XKR6: variants seen among roughly 807,000 people sequenced by gnomAD.
XKR6 encodes the protein XK-related protein 6.
XKR6 carries 22 observed loss-of-function variants against 56.7 expected under a neutral mutation model. The ratio of observed to expected loss-of-function variants is 0.39; its 90% CI spans 0.28 to 0.55. The LOEUF (loss-of-function observed/expected upper bound fraction) is 0.55. Among genes scored for constraint, XKR6 ranks in the 20% least tolerant of loss-of-function variants. The pLI is 0.66. For synonymous variants in XKR6, 524 were observed against 387.8 expected, an observed-to-expected ratio of 1.35 and a Z score of -4.13; for missense variants, 852 against 889.0, an observed-to-expected ratio of 0.96 and a Z score of 0.53.
rs1799911753 is a variant in XKR6 at position 10,897,335 on chromosome 8, T to C, written c.*617A>G. On this transcript the variant is annotated 3_prime_UTR_variant, in exon 3 of 3. Transcript: ENST00000416569. The stretch of plus-strand genomic sequence containing the variant: ...ATAATCAGATAGGAAGAATAATTGC[T>C]TTGTGTTGTATTTGTTGGTTGGTTT... The C allele has an allele frequency of 6.6e-6, 1 of 152,630 alleles. No homozygotes were observed. Among genetic ancestry groups the C allele is most frequent in the Non-Finnish European group, 1.5e-5 (1 of 68,044 alleles). The allele number at this position is 152,630 out of a possible 1,614,324, so 9.5% of individuals were successfully genotyped here. A position where few individuals can be genotyped will look rare whatever the true frequency, so the allele number is the denominator to read the frequency against.
At chr8:10,945,423 G>T (rs1239082969) in intron 1 of XKR6, among the ~76,000 whole-genome samples, 2 of 152,246 alleles carry the variant, frequency 1.3e-5, no homozygotes, top group East Asian at 3.9e-4. Flanking sequence ...GGTGGAAGTT[G>T]GAATGAGCCG....
intron 1 of XKR6, among the ~76,000 whole-genome samples, chr8:11,084,583 G>A (rs2129170777): frequency 1.3e-5 from 2 of 152,300 alleles, no homozygotes; most frequent in East Asian, 3.9e-4. Flanking sequence ...TCTTAATGAT[G>A]AGATTAAGGT....
chr8:11,052,787 C>A lies in XKR6; in HGVS notation c.765-127957G>T, dbSNP rs184098860. Among the ~76,000 whole-genome samples the A allele has an allele frequency of 9.2e-5, 14 of 151,564 alleles. No individual in the cohort carries two copies. The South Asian group carries it at 2.5e-3, about 27-fold the overall frequency. ...CCCAGAGCAGCACACTCCGGGAAAG[C>A]TTGGGGACCTCTAGAGGGCTCGTTA... On this transcript the variant is annotated intron_variant, in intron 1 of 2. Coordinates refer to ENST00000416569, the MANE Select transcript of XKR6 (RefSeq NM_173683.4).
chr8:10,991,211 A>C (rs886603360), intron 1 of XKR6, among the ~76,000 whole-genome samples: 1 of 151,870 alleles, frequency 6.6e-6, no homozygotes. Context: ...GGAATGTCTT[A>C]CTGTTTTTTT....
At chr8:10,985,950 C>T (rs936512165) in intron 1 of XKR6, among the ~76,000 whole-genome samples, 5 of 152,078 alleles carry the variant, frequency 3.3e-5, no homozygotes, top group African/African-American at 1.2e-4. Context: ...TTCAAATTCA[C>T]ATGGGAAAAT....
rs562347425 is a variant in XKR6, at chr8:11,090,324, G to C, written c.764+110252C>G. Among the ~76,000 whole-genome samples, 6 of 152,256 alleles carry C rather than the reference G, an allele frequency of 3.9e-5. No homozygotes were observed. In the East Asian group the frequency reaches 1.2e-3, roughly 29 times the overall value. On this transcript the variant is annotated intron_variant, in intron 1 of 2. Transcript: ENST00000416569. ...GCTGGTCTCAGATTCCTGGACTCAA[G>C]TGATCCTCCCCTCTCAGCCTCCCAA...
At position 11,201,115 on chromosome 8, in the gene XKR6, G is replaced by A; in HGVS notation, c.225C>T (p.Arg75=). 15 of 1,509,186 alleles carry A rather than the reference G, an allele frequency of 9.9e-6. No homozygotes were observed. Among genetic ancestry groups the A allele is most frequent in the Non-Finnish European group, 1.3e-5 (15 of 1,136,116 alleles). 93.5% of individuals were successfully genotyped at this position (1,509,186 alleles called of 1,614,324 possible). ...GGCGCGGCTTCCTGCCCAGGAGGGA[G>A]CGCAGGCAGGCGGAGCGGCAGCCCC... ...CYWGCRSACL[R]SLLGRKPRRS... is the part of the protein sequence containing the mutation. Residue 75 remains arginine, a synonymous_variant, in exon 1 of 3, where the codon CGC becomes CGT. Transcript: ENST00000416569.
At chr8:11,012,501 T>C (rs1485534900) in intron 1 of XKR6, among the ~76,000 whole-genome samples, 10 of 152,164 alleles carry the variant, frequency 6.6e-5, no homozygotes, top group African/African-American at 1.7e-4. Context: ...GCTATTATCA[T>C]CACCATCACC....
chr8:10,974,657 C>T (rs1164678141), intron 1 of XKR6, among the ~76,000 whole-genome samples: 1 of 152,230 alleles, frequency 6.6e-6, no homozygotes, highest in African/African-American at 2.4e-5. Context: ...AAAACTCTCT[C>T]ATATTTGTCT....
At chr8:11,108,276 T>C (rs959152120) in intron 1 of XKR6, 9 of 455,976 alleles carry the variant, frequency 2.0e-5, no homozygotes, top group African/African-American at 1.6e-4. Context: ...CTGTGAATCT[T>C]GACCATTTTC....
At chr8:11,009,451 G>A (rs1252510005) in intron 1 of XKR6, among the ~76,000 whole-genome samples, 1 of 152,184 alleles carries the variant, frequency 6.6e-6, no homozygotes, top group Non-Finnish European at 1.5e-5. Context: ...AGTTGAGGCT[G>A]CAGAGAAGAG....
chr8:10,962,317 C>G (rs945862324), intron 1 of XKR6, among the ~76,000 whole-genome samples: 1 of 152,160 alleles, frequency 6.6e-6, no homozygotes, highest in Non-Finnish European at 1.5e-5. Context: ...GGGACACCAT[C>G]GTGCCACATT....
chr8:10,965,427 C>T (rs540832507), intron 1 of XKR6, among the ~76,000 whole-genome samples: 2 of 152,370 alleles, frequency 1.3e-5, no homozygotes, highest in South Asian at 4.1e-4. Flanking sequence ...AGCTGTCTGC[C>T]TGGTTTGCTG....
At chr8:10,964,054 C>A (rs1802141154) in intron 1 of XKR6, among the ~76,000 whole-genome samples, 2 of 152,192 alleles carry the variant, frequency 1.3e-5, no homozygotes, top group African/African-American at 2.4e-5. Flanking sequence ...CCCTGGGCCA[C>A]CAACACAGAG....
chr8:11,001,667 C>T (rs1456113877), intron 1 of XKR6, among the ~76,000 whole-genome samples: 5 of 152,148 alleles, frequency 3.3e-5, no homozygotes, highest in South Asian at 2.1e-4. Context: ...GTTGCTGCAC[C>T]GCAAAAGCTC....
At chr8:11,134,691 C>A (rs1800292424) in intron 1 of XKR6, among the ~76,000 whole-genome samples, 1 of 151,962 alleles carries the variant, frequency 6.6e-6, no homozygotes, top group Non-Finnish European at 1.5e-5. Flanking sequence ...TATCTGAATA[C>A]ACACACGCAC....
chr8:11,165,131 G>A (rs552259623), intron 1 of XKR6, among the ~76,000 whole-genome samples: 19 of 117,914 alleles, frequency 1.6e-4, no homozygotes, highest in African/African-American at 6.1e-4. Context: ...ACAGAGTGTC[G>A]CTTTGTCACC....
rs1563218040 is a variant in XKR6, at chr8:11,201,495, ACCCCCT to A, written c.-162_-157del. On this transcript the variant is annotated 5_prime_UTR_variant, in exon 1 of 3. Coordinates refer to ENST00000416569, the MANE Select transcript of XKR6 (RefSeq NM_173683.4). The stretch of plus-strand genomic sequence containing the variant: ...GAACGAGGGGGGAGTGGGCCAGGGA[ACCCCCT>A]CCGCTTCCGGGTAGTTGGCGTCACT... 1.8e-6 allele frequency: 1 copy of A among 543,376 alleles called. No homozygotes were observed. Among genetic ancestry groups the A allele is most frequent in the African/African-American group, 2.1e-5 (1 of 48,208 alleles). The allele number at this position is 543,376 out of a possible 1,614,324, so 33.7% of individuals were successfully genotyped here.
chr8:11,020,593 C>T (rs1798728062), intron 1 of XKR6, among the ~76,000 whole-genome samples: 1 of 152,208 alleles, frequency 6.6e-6, no homozygotes, highest in South Asian at 2.1e-4. Context: ...CCTTTGGGTG[C>T]TTCCAAGAAG....
Sources: allele counts gnomAD v4.1 joint callset (sites outside exome capture counted in the v4.1 genomes callset), GRCh38; gene constraint gnomAD v4.1.1; transcripts MANE v1.5; gene names NCBI Gene and HGNC (gene_info 2026-07-23, HGNC 2026-07-21).